Variants in CAPRIN2 observed in about 807,000 individuals in gnomAD.
CAPRIN2 encodes caprin family member 2.
In CAPRIN2, 66 loss-of-function variants were observed where a neutral mutation model predicts 130.4. That is an observed-to-expected ratio of 0.51 (90% CI 0.42 to 0.62). The LOEUF (loss-of-function observed/expected upper bound fraction) is 0.62. Ranked by LOEUF, CAPRIN2 falls within the 20% of genes least tolerant of loss-of-function variation. The pLI is 0.00. For missense variants in CAPRIN2, 1,185 were observed against 1,246.6 expected (o/e 0.95, Z 0.74); for synonymous variants, 471 against 444.1 (o/e 1.06, Z -0.76).
chr12:30,737,915 A>C (rs978755889), intron 3 of CAPRIN2, among the ~76,000 whole-genome samples: 1 of 152,050 alleles, frequency 6.6e-6, no homozygotes. Context: ...TGGTTTTCTT[A>C]ATCGAGACTC....
At chr12:30,720,903 GAGA>G (rs1565578271) in exon 12 of CAPRIN2, 8 of 1,611,182 alleles carry the variant, frequency 5.0e-6, no homozygotes, top group Middle Eastern at 1.6e-4. Context: ...CAAGTAACTG[GAGA>G]AGAAGTAGCC....
At chr12:30,739,707 T>C (rs921150076) in intron 3 of CAPRIN2, among the ~76,000 whole-genome samples, 92 of 139,070 alleles carry the variant, frequency 6.6e-4, no homozygotes, top group African/African-American at 2.4e-3. Flanking sequence ...AGGGCAAGAC[T>C]CCGTCTCAAA....
chr12:30,748,625 AG>A (rs376879021), intron 2 of CAPRIN2, among the ~76,000 whole-genome samples: 208 of 152,228 alleles, frequency 1.4e-3, no homozygotes, highest in East Asian at 9.3e-3. Flanking sequence ...AATATCTCTG[AG>A]GTATGCCTAT....
chr12:30,730,221 T>A lies in CAPRIN2; in HGVS notation c.1104+18A>T, dbSNP rs1160172195. 6.2e-7 allele frequency: 1 copy of A among 1,601,196 alleles called. No individual in the cohort carries two copies. The highest frequency in any genetic ancestry group is 1.7e-5 in the Admixed American group (1 of 59,910). ...GGCTGAAAAATCAACATCAGCAAAT[T>A]GTCTTTCAGTATCTTACCTCTTGTG... On this transcript the variant is annotated intron_variant, in intron 7 of 16. Coordinates refer to ENST00000298892, the Ensembl canonical transcript of CAPRIN2.
At chr12:30,750,169 AAT>A (rs1268195341) in intron 2 of CAPRIN2, among the ~76,000 whole-genome samples, 1 of 152,186 alleles carries the variant, frequency 6.6e-6, no homozygotes, top group African/African-American at 2.4e-5. Context: ...ACACAATTCA[AAT>A]ATGTGTCTCA....
chr12:30,733,112 G>A (rs184864988), intron 5 of CAPRIN2, among the ~76,000 whole-genome samples: 129 of 152,106 alleles, frequency 8.5e-4, no homozygotes, highest in Middle Eastern at 3.4e-3. Flanking sequence ...ACAAAGCTAT[G>A]TACTTCATGT....
intron 2 of CAPRIN2, among the ~76,000 whole-genome samples, chr12:30,745,422 C>T (rs986390443): frequency 6.6e-6 from 1 of 152,030 alleles, no homozygotes; most frequent in African/African-American, 2.4e-5. Context: ...AAAGAGAAAC[C>T]TATGCTACCA....
intron 8 of CAPRIN2, among the ~76,000 whole-genome samples, chr12:30,728,038 G>C (rs2137668440): frequency 6.6e-6 from 1 of 152,030 alleles, no homozygotes; most frequent in Admixed American, 6.5e-5. Flanking sequence ...TTACTCACTT[G>C]TTCACATTAT....
At chr12:30,745,773 T>TG (rs2069850728) in intron 2 of CAPRIN2, among the ~76,000 whole-genome samples, 1 of 152,052 alleles carries the variant, frequency 6.6e-6, no homozygotes, top group East Asian at 1.9e-4. Context: ...AAGCTGATTT[T>TG]GGGTGGGGGG....
intron 2 of CAPRIN2, among the ~76,000 whole-genome samples, chr12:30,744,859 AAGAT>A (rs904127936): frequency 1.3e-5 from 2 of 152,198 alleles, no homozygotes; most frequent in African/African-American, 4.8e-5. Context: ...GAATGAATAA[AAGAT>A]AGTTCAGATG....
chr12:30,716,625 C>G, exon 13 of CAPRIN2: 1 of 1,613,898 alleles, frequency 6.2e-7, no homozygotes, highest in Non-Finnish European at 8.5e-7. Context: ...TAAGGGGATT[C>G]TTTTATTTCT....
At chr12:30,742,320 C>T (rs531669588) in intron 2 of CAPRIN2, among the ~76,000 whole-genome samples, 1 of 151,934 alleles carries the variant, frequency 6.6e-6, no homozygotes. Flanking sequence ...GTAATAATAA[C>T]AGTATTAGTA....
chr12:30,716,378 A>G, intron 13 of CAPRIN2, 130 bp downstream of exon 15: 1 of 789,590 alleles, frequency 1.3e-6, no homozygotes, highest in South Asian at 1.7e-5. Flanking sequence ...CACTGGAGGA[A>G]CATGTAAAGA....
intron 3 of CAPRIN2, among the ~76,000 whole-genome samples, chr12:30,739,789 T>C (rs114303355): frequency 0.027 from 4,063 of 152,086 alleles, 164 homozygotes; most frequent in African/African-American, 0.091. Context: ...GGACTATTTA[T>C]AGCAACTTCC....
At chr12:30,732,041 T>C (rs2062865499) in intron 5 of CAPRIN2, among the ~76,000 whole-genome samples, 1 of 152,094 alleles carries the variant, frequency 6.6e-6, no homozygotes, top group African/African-American at 2.4e-5. Flanking sequence ...GGACAATCTC[T>C]ATTAGATTAC....
intron 16 of CAPRIN2, among the ~76,000 whole-genome samples, chr12:30,711,287 G>A (rs186308759): frequency 2.6e-5 from 4 of 152,164 alleles, no homozygotes; most frequent in Middle Eastern, 3.4e-3. Context: ...AAAAATATTC[G>A]AAATCAGCAT....
Position 30,740,892 on chromosome 12 carries a change from C to T in CAPRIN2, c.570+128G>A, listed in dbSNP as rs188210718. 2,213 of 617,834 alleles carry T rather than the reference C, an allele frequency of 3.6e-3. 10 individuals carry two copies. Among genetic ancestry groups the T allele is most frequent in the Non-Finnish European group, 5.2e-3 (1,831 of 351,590 alleles). The allele number at this position is 617,834 out of a possible 1,614,324, so 38.3% of individuals were successfully genotyped here. A position where few individuals can be genotyped will look rare whatever the true frequency, so the allele number is the denominator to read the frequency against. Reference sequence around the variant, plus strand: ...AACAGTTATCCTCAACCTTCCATCACGATAAAATATCAGCAGAAATTAGAA... The same window carrying T: ...AACAGTTATCCTCAACCTTCCATCATGATAAAATATCAGCAGAAATTAGAA... On this transcript the variant is annotated intron_variant, in intron 3 of 16. Transcript: ENST00000298892.
rs370460226 is a variant in CAPRIN2 at position 30,711,096 on chromosome 12, TTTC to T, written c.2665+467_2665+469del. ...GTGCCAAAGTTACTCTTCAGTGATTTTTCTTCTCCCTTATACAAACTTTTAATA... is the reference window on the plus strand; with the variant it reads ...GTGCCAAAGTTACTCTTCAGTGATTTTTCTCCCTTATACAAACTTTTAATA... On this transcript the variant is annotated intron_variant, in intron 16 of 16. Transcript: ENST00000298892. Among the ~76,000 whole-genome samples the T allele has an allele frequency of 1.4e-3, 206 of 152,320 alleles. 4 individuals are homozygous for T. The highest frequency in any genetic ancestry group is 3.9e-3 in the African/African-American group (164 of 41,578).
exon 9 of CAPRIN2, chr12:30,725,981 A>T: frequency 6.3e-7 from 1 of 1,593,900 alleles, no homozygotes; most frequent in Non-Finnish European, 8.5e-7. Flanking sequence ...TAAAGTTACA[A>T]GTTCCTTGAA....
Sources: gnomAD v4.1 joint callset for allele counts (sites outside exome capture counted in the v4.1 genomes callset) on GRCh38, gnomAD v4.1.1 for gene constraint, MANE v1.5 for transcripts, NCBI Gene and HGNC (gene_info 2026-07-23, HGNC 2026-07-21) for gene names.